The following KHDRBS2 variants were observed in gnomAD, a reference collection of about 807,000 sequenced individuals.
KHDRBS2 encodes the protein KH RNA binding domain containing, signal transduction associated 2.
A neutral mutation model predicts 44.3 loss-of-function variants in KHDRBS2; 26 were observed. That is an observed-to-expected ratio of 0.59 (90% CI 0.43 to 0.81). KHDRBS2 has a LOEUF of 0.81. KHDRBS2 is among the 40% of genes least tolerant of loss of function. The pLI, the probability that KHDRBS2 is intolerant of heterozygous loss-of-function variation, is 0.00. For synonymous variants in KHDRBS2, 194 were observed against 151.1 expected (o/e 1.28, Z -2.08); for missense variants, 476 against 433.1 (o/e 1.10, Z -0.88).
chr6:61,981,867 T>C (rs1332778881), intron 3 of KHDRBS2, among the ~76,000 whole-genome samples: 1 of 152,186 alleles, frequency 6.6e-6, no homozygotes, highest in Non-Finnish European at 1.5e-5. Context: ...TAGATTTTAT[T>C]GTTTCAGAAA....
At chr6:61,612,172 T>C in the KHDRBS2 span, among the ~76,000 whole-genome samples, 111 of 152,312 alleles carry the variant, frequency 7.3e-4, no homozygotes, top group African/African-American at 2.5e-3. Flanking sequence ...AGTGAAAGCA[T>C]ATATGTTCAG....
At chr6:61,573,734 AG>A in the KHDRBS2 span, among the ~76,000 whole-genome samples, 1 of 151,936 alleles carries the variant, frequency 6.6e-6, no homozygotes, top group African/African-American at 2.4e-5. Context: ...GGTTGCAGTG[AG>A]CTGAGATTGC....
chr6:62,014,904 G>T (rs1375760096), intron 3 of KHDRBS2, among the ~76,000 whole-genome samples: 1 of 152,134 alleles, frequency 6.6e-6, no homozygotes, highest in Non-Finnish European at 1.5e-5. Context: ...CGTTTAGGAA[G>T]ATTCTTAATA....
intron 6 of KHDRBS2, among the ~76,000 whole-genome samples, chr6:61,843,300 T>G (rs973152693): frequency 2.4e-4 from 36 of 151,176 alleles, no homozygotes; most frequent in African/African-American, 8.2e-4. Flanking sequence ...TTACCAAATT[T>G]TTTAGAATGA....
chr6:62,131,627 C>T (rs1810345134), intron 2 of KHDRBS2, among the ~76,000 whole-genome samples: 1 of 152,156 alleles, frequency 6.6e-6, no homozygotes, highest in African/African-American at 2.4e-5. Context: ...AATAGATATC[C>T]TCCCCTTACT....
At chr6:62,095,581 A>G (rs1348747286) in intron 2 of KHDRBS2, among the ~76,000 whole-genome samples, 1 of 151,894 alleles carries the variant, frequency 6.6e-6, no homozygotes, top group Admixed American at 6.6e-5. Context: ...TTTCACAATG[A>G]AGAAATCACC....
the KHDRBS2 span, among the ~76,000 whole-genome samples, chr6:61,613,677 A>T: frequency 0.61 from 93,154 of 151,524 alleles, 28,827 homozygotes; most frequent in Non-Finnish European, 0.65. Context: ...TTAAATGAAG[A>T]CATTTCTTGA....
intron 2 of KHDRBS2, among the ~76,000 whole-genome samples, chr6:62,098,874 T>A (rs1244097888): frequency 7.9e-5 from 12 of 152,178 alleles, no homozygotes; most frequent in Admixed American, 7.9e-4. Flanking sequence ...TAGTCTGTCT[T>A]TGGGCTCACT....
chr6:61,628,449 G>T, the KHDRBS2 span, among the ~76,000 whole-genome samples: 1 of 151,906 alleles, frequency 6.6e-6, no homozygotes, highest in Non-Finnish European at 1.5e-5. Flanking sequence ...TCCAAACTCC[G>T]CAGCTGCAGG....
the KHDRBS2 span, among the ~76,000 whole-genome samples, chr6:61,603,788 G>A: frequency 6.6e-5 from 10 of 151,838 alleles, no homozygotes; most frequent in African/African-American, 2.4e-4. Context: ...ATTGTTCCTG[G>A]CTGGCCTTCA....
intron 1 of KHDRBS2, among the ~76,000 whole-genome samples, chr6:62,212,596 T>G (rs557986507): frequency 6.6e-6 from 1 of 152,272 alleles, no homozygotes; most frequent in Non-Finnish European, 1.5e-5. Flanking sequence ...ACTAGTGTCC[T>G]TATAAAAAGA....
At chr6:61,635,745 C>T in the KHDRBS2 span, among the ~76,000 whole-genome samples, 1 of 152,014 alleles carries the variant, frequency 6.6e-6, no homozygotes, top group African/African-American at 2.4e-5. Context: ...ATCACACAAA[C>T]AAACTTTCAA....
chr6:62,117,159 T>A (rs999587627), intron 2 of KHDRBS2, among the ~76,000 whole-genome samples: 4 of 152,200 alleles, frequency 2.6e-5, no homozygotes, highest in Non-Finnish European at 5.9e-5. Context: ...TTTATTTTTT[T>A]TTGAGGATCC....
intron 6 of KHDRBS2, among the ~76,000 whole-genome samples, chr6:61,756,410 C>A (rs901431593): frequency 5.9e-5 from 9 of 151,972 alleles, no homozygotes; most frequent in Non-Finnish European, 1.0e-4. Flanking sequence ...CAGGCTCCTG[C>A]CACTACACTT....
intron 4 of KHDRBS2, among the ~76,000 whole-genome samples, chr6:61,956,388 C>T (rs1249980310): frequency 1.3e-5 from 2 of 152,144 alleles, no homozygotes; most frequent in African/African-American, 2.4e-5. Context: ...TCATGATTCA[C>T]TGACAAAATT....
Position 61,732,764 on chromosome 6 carries a change from C to A in KHDRBS2, c.811G>T (p.Gly271Cys). The A allele has an allele frequency of 1.3e-6, 2 of 1,582,606 alleles. No homozygotes were observed. Among genetic ancestry groups the A allele is most frequent in the Non-Finnish European group, 1.7e-6 (2 of 1,152,170 alleles). The change falls in exon 7 of 9, where the codon GGT becomes TGT. Residue 271 changes from glycine (G) to cysteine (C), a missense_variant and splice_region_variant. Coordinates refer to ENST00000281156, the MANE Select transcript of KHDRBS2 (RefSeq NM_152688.4). ...PPAHEAYEEYGYDDGYGGEYD... is the reference protein window; with the variant it reads ...PPAHEAYEEYCYDDGYGGEYD... ...TCACCCCCGTAGCCATCATCATAAC[C>A]CTGAGACAAAAAAATGGTAGAAACA...
chr6:62,055,074 A>G (rs1216867278), intron 2 of KHDRBS2, among the ~76,000 whole-genome samples: 22 of 152,044 alleles, frequency 1.4e-4, no homozygotes. Flanking sequence ...AATATTTTTA[A>G]AATGATGAAA....
At chr6:62,226,191 C>G (rs1028072090) in intron 1 of KHDRBS2, among the ~76,000 whole-genome samples, 1 of 152,168 alleles carries the variant, frequency 6.6e-6, no homozygotes, top group Non-Finnish European at 1.5e-5. Flanking sequence ...ACAGCCTCGA[C>G]AGCATGTATA....
At chr6:61,688,882 G>T (rs1478630010) in intron 8 of KHDRBS2, among the ~76,000 whole-genome samples, 1 of 151,832 alleles carries the variant, frequency 6.6e-6, no homozygotes, top group Non-Finnish European at 1.5e-5. Context: ...GAGTGTCTTT[G>T]TTATTCATGG....
Sources: allele counts gnomAD v4.1 joint callset (sites outside exome capture counted in the v4.1 genomes callset), GRCh38; gene constraint gnomAD v4.1.1; transcripts MANE v1.5; gene names NCBI Gene and HGNC (gene_info 2026-07-23, HGNC 2026-07-21).